THADA: variants seen among roughly 807,000 people sequenced by gnomAD.
THADA encodes the protein THADA armadillo repeat containing.
Under a neutral mutation model 219.8 loss-of-function variants are expected in THADA, and 213 were observed. That is an observed-to-expected ratio of 0.97 (90% CI 0.87 to 1.09). THADA has a LOEUF of 1.09. Among genes scored for constraint, THADA ranks in the 50% least tolerant of loss-of-function variants. The pLI is 0.00. For synonymous variants in THADA, 1,018 were observed against 828.9 expected (o/e 1.23, Z -3.92); for missense variants, 2,956 against 2,311.3 (o/e 1.28, Z -5.72).
intron 22 of THADA, among the ~76,000 whole-genome samples, chr2:43,523,113 C>T (rs1290050747): frequency 6.6e-6 from 1 of 152,070 alleles, no homozygotes; most frequent in Non-Finnish European, 1.5e-5. Context: ...TGTCCGTAAT[C>T]CCAGCACTTT....
intron 26 of THADA, among the ~76,000 whole-genome samples, chr2:43,466,930 C>G (rs1198055854): frequency 6.7e-6 from 1 of 149,908 alleles, no homozygotes; most frequent in South Asian, 2.1e-4. Flanking sequence ...CGCCTGTAAT[C>G]CCAGCACTTT....
Position 43,231,458 on chromosome 2 carries a change from A to C in THADA, c.5467-115T>G, listed in dbSNP as rs1324559363. The C allele has an allele frequency of 9.9e-6, 11 of 1,110,990 alleles. No homozygotes were observed. The South Asian group carries it at 1.5e-4, about 15-fold the overall frequency. The allele number at this position is 1,110,990 out of a possible 1,614,324, so 68.8% of individuals were successfully genotyped here. On this transcript the variant is annotated intron_variant, in intron 37 of 37. Transcript: ENST00000405975. Reference sequence around the variant, plus strand: ...AGGGGTTTCCCTTCCCCCACCTGACAGAGGGTGCACTCTTGCCTGTCAACA... The same window carrying C: ...AGGGGTTTCCCTTCCCCCACCTGACCGAGGGTGCACTCTTGCCTGTCAACA...
At chr2:43,432,360 A>G (rs543006981) in intron 26 of THADA, among the ~76,000 whole-genome samples, 3 of 152,158 alleles carry the variant, frequency 2.0e-5, no homozygotes, top group East Asian at 3.9e-4. Flanking sequence ...GTTATTCAAT[A>G]TATCAATAGT....
intron 26 of THADA, among the ~76,000 whole-genome samples, chr2:43,455,754 A>G (rs1682918075): frequency 6.6e-6 from 1 of 152,190 alleles, no homozygotes; most frequent in Non-Finnish European, 1.5e-5. Flanking sequence ...CACTATGTAA[A>G]TCTGAAAAAC....
chr2:43,581,992 T>G, intron 7 of THADA, 64 bp from the exon 8 acceptor site: 2 of 1,247,180 alleles, frequency 1.6e-6, no homozygotes, highest in Non-Finnish European at 2.1e-6. Context: ...CATTTCTAAT[T>G]ATCAGCAAAA....
chr2:43,547,205 T>G (rs1026850795), intron 20 of THADA, among the ~76,000 whole-genome samples: 2 of 152,242 alleles, frequency 1.3e-5, no homozygotes, highest in African/African-American at 4.8e-5. Flanking sequence ...TGGCCCCCAC[T>G]CTCTTCTGGC....
intron 22 of THADA, among the ~76,000 whole-genome samples, chr2:43,510,496 A>G (rs1246053783): frequency 6.6e-6 from 1 of 152,126 alleles, no homozygotes; most frequent in Non-Finnish European, 1.5e-5. Context: ...AAATTAAGAT[A>G]AATGTCTTGT....
At chr2:43,259,263 G>C (rs1572809685) in intron 36 of THADA, among the ~76,000 whole-genome samples, 1 of 152,120 alleles carries the variant, frequency 6.6e-6, no homozygotes, top group Non-Finnish European at 1.5e-5. Flanking sequence ...GGCTGTCTTG[G>C]GGCTGAAACT....
At chr2:43,311,037 G>C (rs771951951) in intron 31 of THADA, among the ~76,000 whole-genome samples, 1 of 152,146 alleles carries the variant, frequency 6.6e-6, no homozygotes, top group Admixed American at 6.5e-5. Flanking sequence ...TTAGCCAGGT[G>C]TGGTGGCACA....
chr2:43,512,448 A>G (rs1220831475), intron 22 of THADA, among the ~76,000 whole-genome samples: 1 of 152,196 alleles, frequency 6.6e-6, no homozygotes, highest in East Asian at 1.9e-4. Context: ...TACTAAAATT[A>G]AACATACTAC....
chr2:43,264,809 T>C (rs1671340413), intron 36 of THADA, among the ~76,000 whole-genome samples: 2 of 152,168 alleles, frequency 1.3e-5, no homozygotes, highest in African/African-American at 2.4e-5. Flanking sequence ...GTCAGCGCTT[T>C]GGAAGATTTC....
intron 12 of THADA, 58 bp from the exon 13 acceptor site, chr2:43,571,920 C>G: frequency 6.4e-7 from 1 of 1,551,966 alleles, no homozygotes; most frequent in Non-Finnish European, 8.8e-7. Flanking sequence ...AAGCCTAAAT[C>G]ACTTGAATTG....
intron 36 of THADA, among the ~76,000 whole-genome samples, chr2:43,264,363 G>A (rs1461605506): frequency 6.6e-6 from 1 of 150,408 alleles, no homozygotes; most frequent in Admixed American, 6.7e-5. Flanking sequence ...TCAGTTCACC[G>A]AAACCTCCGC....
intron 29 of THADA, among the ~76,000 whole-genome samples, chr2:43,378,151 A>C (rs1200676632): frequency 6.6e-6 from 1 of 152,220 alleles, no homozygotes; most frequent in African/African-American, 2.4e-5. Context: ...TGAGAAAATA[A>C]GAGGCAGATC....
At chr2:43,549,398 C>G in intron 19 of THADA, 30 bp from the exon 20 acceptor site, 4 of 1,572,820 alleles carry the variant, frequency 2.5e-6, no homozygotes, top group Non-Finnish European at 3.4e-6. Context: ...GTACATGAAA[C>G]CCAGTAACAC....
intron 36 of THADA, among the ~76,000 whole-genome samples, chr2:43,264,889 A>C (rs1671348864): frequency 6.6e-6 from 1 of 152,238 alleles, no homozygotes; most frequent in Admixed American, 6.5e-5. Flanking sequence ...TGGTGACAGA[A>C]ACAAATGAAC....
At chr2:43,353,224 T>C (rs969004304) in intron 29 of THADA, among the ~76,000 whole-genome samples, 1 of 152,216 alleles carries the variant, frequency 6.6e-6, no homozygotes, top group African/African-American at 2.4e-5. Context: ...TTATGATGGT[T>C]CTATTTGTAA....
intron 30 of THADA, chr2:43,343,792 C>T: frequency 4.4e-6 from 1 of 226,802 alleles, no homozygotes; most frequent in East Asian, 1.0e-4. Context: ...AGAGTCTGTA[C>T]CACATGATTT....
intron 36 of THADA, among the ~76,000 whole-genome samples, chr2:43,258,874 C>G (rs1389351016): frequency 6.6e-6 from 1 of 152,136 alleles, no homozygotes; most frequent in African/African-American, 2.4e-5. Flanking sequence ...GGCCCCCTCC[C>G]CCTGCCAAAA....
Sources: gnomAD v4.1 joint callset for allele counts (sites outside exome capture counted in the v4.1 genomes callset) on GRCh38, gnomAD v4.1.1 for gene constraint, MANE v1.5 for transcripts, NCBI Gene and HGNC (gene_info 2026-07-23, HGNC 2026-07-21) for gene names.